Variants in KIAA1549 observed in about 807,000 individuals in gnomAD.
KIAA1549 encodes the protein KIAA1549, also known as UPF0606 protein KIAA1549.
KIAA1549 carries 70 observed loss-of-function variants against 156.4 expected under a neutral mutation model. The ratio of observed to expected loss-of-function variants is 0.45; its 90% CI spans 0.37 to 0.55. The LOEUF (loss-of-function observed/expected upper bound fraction) is 0.55. KIAA1549 is among the 20% of genes least tolerant of loss of function. The pLI, the probability that KIAA1549 is intolerant of heterozygous loss-of-function variation, is 0.00. For synonymous variants in KIAA1549, 1,103 were observed against 1,066.4 expected (o/e 1.03, Z -0.67); for missense variants, 2,428 against 2,540.9 (o/e 0.96, Z 0.96).
At position 138,879,635 on chromosome 7, in the gene KIAA1549, A is replaced by T. The variant is rs1198210018; in HGVS notation, c.4248T>A (p.Ala1416=). The change falls in exon 12 of 20, where the codon GCT becomes GCA. Residue 1416 remains alanine (A), a synonymous_variant. Coordinates refer to ENST00000422774, the MANE Select transcript of KIAA1549 (RefSeq NM_001164665.2). ...TGGACTCTTCACTGACCGTAGAGTC[A>T]GCATCTGAGGGAGAAACTCTGCAGA... The part of the protein sequence containing the change: ...RHRGRVSPSD[A]DSTVSEESSE... 3.2e-6 allele frequency: 5 copies of T among 1,548,932 alleles called. No individual in the cohort carries two copies. Among genetic ancestry groups the T allele is most frequent in the Non-Finnish European group, 3.5e-6 (4 of 1,146,598 alleles).
chr7:138,838,044 G>A lies in KIAA1549; in HGVS notation c.5715C>T (p.Gly1905=), dbSNP rs1364143267. The A allele has an allele frequency of 1.2e-6, 2 of 1,603,814 alleles. No individual in the cohort carries two copies. The highest frequency in any genetic ancestry group is 2.7e-5 in the African/African-American group (2 of 74,816). The change falls in exon 20 of 20, where the codon GGC becomes GGT. Residue 1905 remains glycine, a synonymous_variant. Coordinates refer to ENST00000422774, the MANE Select transcript of KIAA1549 (RefSeq NM_001164665.2). ...SGNLPHRGLQ[G]PGLGYPTSST... The stretch of plus-strand genomic sequence containing the variant: ...AGCTGGTGGGGTAACCCAGCCCAGG[G>A]CCCTGCAGTCCCCGGTGGGGGAGGT...
intron 16 of KIAA1549, among the ~76,000 whole-genome samples, chr7:138,859,380 T>C (rs1810489619): frequency 6.6e-6 from 1 of 152,148 alleles, no homozygotes; most frequent in Admixed American, 6.5e-5. Flanking sequence ...GTTCAATCCA[T>C]AGCAAGAGCT....
chr7:138,843,189 G>A (rs868217399), intron 18 of KIAA1549, among the ~76,000 whole-genome samples: 1 of 152,168 alleles, frequency 6.6e-6, no homozygotes, highest in Non-Finnish European at 1.5e-5. Flanking sequence ...AAGGAGGTAA[G>A]TACGAATATT....
chr7:138,935,888 T>C (rs899212039), intron 1 of KIAA1549, among the ~76,000 whole-genome samples: 1 of 152,188 alleles, frequency 6.6e-6, no homozygotes, highest in African/African-American at 2.4e-5. Flanking sequence ...AAAGGCACCA[T>C]GTCTGGACAA....
Position 138,943,158 on chromosome 7 carries a change from A to G in KIAA1549, c.188-23720T>C, listed in dbSNP as rs568366260. ...AATCACAGATCTTCTTGTTTGTGAC[A>G]ACAGTGGCAACAATGACTCCAGAGT... On this transcript the variant is annotated intron_variant, in intron 1 of 19. Coordinates refer to ENST00000422774, the MANE Select transcript of KIAA1549 (RefSeq NM_001164665.2). Among the ~76,000 whole-genome samples, 6 of 152,338 alleles carry G rather than the reference A, an allele frequency of 3.9e-5. No individual in the cohort carries two copies. The South Asian group carries it at 1.0e-3, about 26-fold the overall frequency.
At chr7:138,921,668 C>T (rs1041126606) in intron 1 of KIAA1549, among the ~76,000 whole-genome samples, 1 of 152,094 alleles carries the variant, frequency 6.6e-6, no homozygotes, top group Non-Finnish European at 1.5e-5. Flanking sequence ...AGTTCGAGTC[C>T]AGCCTGGCCA....
At chr7:138,900,996 T>C (rs1811825771) in intron 8 of KIAA1549, among the ~76,000 whole-genome samples, 1 of 152,196 alleles carries the variant, frequency 6.6e-6, no homozygotes, top group African/African-American at 2.4e-5. Context: ...GAAAATCTAA[T>C]CCCAGTATCC....
chr7:138,905,432 C>A (rs891582434), intron 6 of KIAA1549, among the ~76,000 whole-genome samples: 6 of 152,224 alleles, frequency 3.9e-5, no homozygotes, highest in Non-Finnish European at 8.8e-5. Context: ...GGTAAAGTGA[C>A]CACATGCGTT....
rs748077014 is a variant in KIAA1549 at position 138,869,616 on chromosome 7, C to A, written c.4697G>T (p.Arg1566Leu). 6.2e-7 allele frequency: 1 copy of A among 1,605,926 alleles called. No homozygotes were observed. Among genetic ancestry groups the A allele is most frequent in the East Asian group, 2.2e-5 (1 of 44,532 alleles). Residue 1566 changes from arginine (R) to leucine (L), a missense_variant, in exon 14 of 20, where the codon CGC becomes CTC. This residue lies in a region of KIAA1549 where 404 missense variants were observed against 417.0 expected (regional missense o/e 0.97). Coordinates refer to ENST00000422774, the MANE Select transcript of KIAA1549 (RefSeq NM_001164665.2). ...GDTKERHRVY[R>L]RAQMQIDKIL... ...CTTGTCGATCTGCATCTGTGCCCTG[C>A]GGTACACCCGGTGTCGCTCCTTAGT...
chr7:138,851,684 T>G (rs1810237959), intron 17 of KIAA1549, among the ~76,000 whole-genome samples: 1 of 152,198 alleles, frequency 6.6e-6, no homozygotes, highest in African/African-American at 2.4e-5. Context: ...CCTAATCAAC[T>G]TTCAAAGCTG....
intron 1 of KIAA1549, among the ~76,000 whole-genome samples, chr7:138,954,514 A>G (rs1484619888): frequency 6.6e-6 from 1 of 152,118 alleles, no homozygotes; most frequent in Non-Finnish European, 1.5e-5. Flanking sequence ...CAGGCTCTCT[A>G]CGATAGCCTG....
chr7:138,922,444 A>G (rs1412297833), intron 1 of KIAA1549, among the ~76,000 whole-genome samples: 2 of 152,178 alleles, frequency 1.3e-5, no homozygotes, highest in Non-Finnish European at 2.9e-5. Flanking sequence ...ATTTTTTTAA[A>G]AGGCCAACTA....
In KIAA1549 at chr7:138,958,707, C is replaced by T. The variant is rs544837231; in HGVS notation, c.187+22376G>A. 2.6e-5 allele frequency among the ~76,000 whole-genome samples: 4 copies of T among 152,238 alleles called. No individual in the cohort carries two copies. The South Asian group carries it at 8.3e-4, about 32-fold the overall frequency. On this transcript the variant is annotated intron_variant, in intron 1 of 19. Coordinates refer to ENST00000422774, the MANE Select transcript of KIAA1549 (RefSeq NM_001164665.2). ...CTCTTCTTCCCTGGTATAGAGAGGA[C>T]TGGTTTCTTCCTAGCAACCCCGAAC...
chr7:138,887,131 A>G (rs922196454), intron 10 of KIAA1549, among the ~76,000 whole-genome samples: 1 of 151,934 alleles, frequency 6.6e-6, no homozygotes, highest in Non-Finnish European at 1.5e-5. Context: ...GCTGGTCTCA[A>G]ACTCCTGACC....
intron 10 of KIAA1549, among the ~76,000 whole-genome samples, chr7:138,886,094 C>T (rs1183483509): frequency 6.6e-6 from 1 of 151,926 alleles, no homozygotes; most frequent in Non-Finnish European, 1.5e-5. Flanking sequence ...AAACATGGTT[C>T]GAGTTTTTCC....
intron 8 of KIAA1549, 55 bp from the exon 9 acceptor site, chr7:138,899,187 T>G: frequency 6.6e-7 from 1 of 1,511,982 alleles, no homozygotes; most frequent in Non-Finnish European, 9.2e-7. Flanking sequence ...CTAGATGCCC[T>G]CTCTCAGGTT....
chr7:138,877,525 C>T (rs961210211), intron 12 of KIAA1549, among the ~76,000 whole-genome samples: 19 of 152,072 alleles, frequency 1.2e-4, no homozygotes, highest in Non-Finnish European at 2.2e-4. Flanking sequence ...AATAAAATAA[C>T]TGAAAGCTAG....
At chr7:138,868,152 C>G in intron 14 of KIAA1549, 24 bp from the exon 15 acceptor site, 1 of 1,604,324 alleles carries the variant, frequency 6.2e-7, no homozygotes, top group East Asian at 2.2e-5. Flanking sequence ...GAGAAATTAT[C>G]TTCGTAGGAA....
rs887586854 is a variant in KIAA1549 at position 138,835,304 on chromosome 7, G to A, written c.*2602C>T. ...TGTGTGCTTTATGACCACCAGCAGAGGGCTGGTGATCCGGGGGCCTGCTCA... is the reference window on the plus strand; with the variant it reads ...TGTGTGCTTTATGACCACCAGCAGAAGGCTGGTGATCCGGGGGCCTGCTCA... On this transcript the variant is annotated 3_prime_UTR_variant, in exon 20 of 20. Transcript: ENST00000422774. The A allele has an allele frequency of 1.4e-5, 3 of 215,594 alleles. No homozygotes were observed. The highest frequency in any genetic ancestry group is 2.8e-5 in the Non-Finnish European group (3 of 106,926). 13.4% of individuals were successfully genotyped at this position (215,594 alleles called of 1,614,324 possible).
Sources: gnomAD v4.1 joint callset for allele counts (sites outside exome capture counted in the v4.1 genomes callset) on GRCh38, gnomAD v4.1.1 for gene constraint, gnomAD v4.1.1 regional missense constraint, MANE v1.5 for transcripts, NCBI Gene and HGNC (gene_info 2026-07-23, HGNC 2026-07-21) for gene names.